The following FHIT variants were observed in gnomAD, a reference collection of about 807,000 sequenced individuals.
FHIT encodes the protein bis(5'-adenosyl)-triphosphatase.
FHIT carries 19 observed loss-of-function variants against 17.9 expected under a neutral mutation model. The observed-to-expected ratio is 1.06, with a 90% CI of 0.74 to 1.56. The LOEUF (loss-of-function observed/expected upper bound fraction) is 1.56, where lower values mean the gene tolerates loss of function less well. Ranked by LOEUF, FHIT falls within the 40% of genes most tolerant of loss-of-function variation. The pLI, the probability that FHIT is intolerant of heterozygous loss-of-function variation, is 0.00. For synonymous variants in FHIT, 81 were observed against 69.7 expected (o/e 1.16, Z -0.81); for missense variants, 248 against 189.2 (o/e 1.31, Z -1.82).
At chr3:59,920,296 A>G (rs1424827968) in intron 8 of FHIT, among the ~76,000 whole-genome samples, 1 of 152,190 alleles carries the variant, frequency 6.6e-6, no homozygotes. Flanking sequence ...CTTGTACCAC[A>G]ATTTCCCTTA....
At chr3:60,565,803 C>T (rs915070535) in intron 4 of FHIT, among the ~76,000 whole-genome samples, 5 of 152,112 alleles carry the variant, frequency 3.3e-5, no homozygotes, top group African/African-American at 1.2e-4. Flanking sequence ...CTTCTGCTAG[C>T]TTTTGAATGT....
chr3:60,028,820 GA>G (rs1700862227), intron 5 of FHIT, among the ~76,000 whole-genome samples: 1 of 152,032 alleles, frequency 6.6e-6, no homozygotes, highest in Admixed American at 6.6e-5. Flanking sequence ...TGATGCAGAA[GA>G]AAAAGATGTA....
intron 3 of FHIT, among the ~76,000 whole-genome samples, chr3:61,031,447 C>T (rs575699002): frequency 1.4e-4 from 20 of 146,740 alleles, no homozygotes; most frequent in Non-Finnish European, 2.6e-4. Flanking sequence ...GTGTCTCAAC[C>T]TGAAAATTTG....
chr3:60,675,015 C>T (rs2040590261), intron 4 of FHIT, among the ~76,000 whole-genome samples: 1 of 152,168 alleles, frequency 6.6e-6, no homozygotes, highest in Non-Finnish European at 1.5e-5. Flanking sequence ...TAATGCTTGG[C>T]CCCACCTCCT....
At chr3:59,916,567 C>A (rs1575691463) in intron 8 of FHIT, among the ~76,000 whole-genome samples, 1 of 152,120 alleles carries the variant, frequency 6.6e-6, no homozygotes, top group African/African-American at 2.4e-5. Flanking sequence ...AAAATGGGCA[C>A]AAATAACTTT....
chr3:60,755,872 G>A (rs1157055511), intron 4 of FHIT, among the ~76,000 whole-genome samples: 3 of 152,176 alleles, frequency 2.0e-5, no homozygotes, highest in African/African-American at 7.2e-5. Context: ...AGGTTTGAAT[G>A]GAACTGATTT....
intron 4 of FHIT, among the ~76,000 whole-genome samples, chr3:60,556,117 G>A (rs1443740401): frequency 1.3e-5 from 2 of 152,090 alleles, no homozygotes; most frequent in African/African-American, 4.8e-5. Context: ...AGCTACTTTT[G>A]ATCTCCTCCT....
chr3:61,244,408 C>T (rs2040439290), intron 1 of FHIT, among the ~76,000 whole-genome samples: 1 of 152,152 alleles, frequency 6.6e-6, no homozygotes. Context: ...ATTTAAGGAT[C>T]CCAGATTTTG....
At chr3:60,985,104 G>T (rs139821036) in intron 3 of FHIT, among the ~76,000 whole-genome samples, 1 of 152,182 alleles carries the variant, frequency 6.6e-6, no homozygotes, top group African/African-American at 2.4e-5. Context: ...ACTACAGAAC[G>T]TAATCCAAGC....
chr3:60,411,025 C>T (rs766907147), intron 5 of FHIT, among the ~76,000 whole-genome samples: 4 of 152,052 alleles, frequency 2.6e-5, no homozygotes, highest in South Asian at 4.1e-4. Flanking sequence ...GTAAAGGAGA[C>T]AAATTTGACA....
At chr3:60,834,836 G>C (rs1461540850) in intron 3 of FHIT, among the ~76,000 whole-genome samples, 1 of 148,892 alleles carries the variant, frequency 6.7e-6, no homozygotes, top group Admixed American at 6.8e-5. Flanking sequence ...CTGCCCTCCA[G>C]CTTGGGGAAC....
intron 3 of FHIT, among the ~76,000 whole-genome samples, chr3:60,934,865 C>G (rs1451681406): frequency 6.6e-6 from 1 of 152,134 alleles, no homozygotes; most frequent in African/African-American, 2.4e-5. Context: ...TAGGGAAGCA[C>G]AAAGGGCTGA....
intron 7 of FHIT, among the ~76,000 whole-genome samples, chr3:59,964,558 G>C (rs900204746): frequency 1.3e-5 from 2 of 152,090 alleles, no homozygotes; most frequent in South Asian, 4.2e-4. Flanking sequence ...TCCACTAGAG[G>C]AAAAGTCTTA....
intron 5 of FHIT, among the ~76,000 whole-genome samples, chr3:60,062,556 C>T (rs1702335740): frequency 6.6e-6 from 1 of 152,128 alleles, no homozygotes; most frequent in South Asian, 2.1e-4. Context: ...CTGAATTTAA[C>T]CCCAGGTCTC....
intron 5 of FHIT, among the ~76,000 whole-genome samples, chr3:60,033,218 C>A (rs1226578680): frequency 3.3e-5 from 5 of 152,154 alleles, no homozygotes; most frequent in Non-Finnish European, 7.4e-5. Context: ...GATAATGGGG[C>A]CAGGTGCAGT....
At chr3:59,996,222 C>A (rs1313586546) in intron 7 of FHIT, among the ~76,000 whole-genome samples, 1 of 152,074 alleles carries the variant, frequency 6.6e-6, no homozygotes, top group Non-Finnish European at 1.5e-5. Context: ...ACCAAGGAAA[C>A]ACATGCAAAT....
intron 5 of FHIT, among the ~76,000 whole-genome samples, chr3:60,095,983 T>A (rs556565613): frequency 6.6e-6 from 1 of 152,264 alleles, no homozygotes; most frequent in African/African-American, 2.4e-5. Flanking sequence ...AAGGGAATCA[T>A]AAAAAGACCA....
chr3:60,314,776 G>A (rs533080423), intron 5 of FHIT, among the ~76,000 whole-genome samples: 113 of 152,220 alleles, frequency 7.4e-4, no homozygotes, highest in South Asian at 1.0e-3. Flanking sequence ...GGGCCACTGA[G>A]TATTTTCACT....
At chr3:59,837,994 T>A (rs1039606797) in intron 8 of FHIT, among the ~76,000 whole-genome samples, 6 of 152,104 alleles carry the variant, frequency 3.9e-5, no homozygotes, top group Non-Finnish European at 8.8e-5. Flanking sequence ...ATTGCCACCA[T>A]CACCATCATC....
Sources: allele counts gnomAD v4.1 joint callset (sites outside exome capture counted in the v4.1 genomes callset), GRCh38; gene constraint gnomAD v4.1.1; transcripts MANE v1.5; gene names NCBI Gene and HGNC (gene_info 2026-07-23, HGNC 2026-07-21).